The following TPR variants were observed in gnomAD, a reference collection of about 807,000 sequenced individuals.
The protein encoded by TPR is translocated promoter region, nuclear basket protein, also known as nucleoprotein TPR.
Under a neutral mutation model 316.1 loss-of-function variants are expected in TPR, and 51 were observed. The ratio of observed to expected loss-of-function variants is 0.16; its 90% CI spans 0.13 to 0.20. The LOEUF (loss-of-function observed/expected upper bound fraction) is 0.20, where lower values mean the gene tolerates loss of function less well. Ranked by LOEUF, TPR falls within the 10% of genes least tolerant of loss-of-function variation. The pLI is 1.00. For missense variants in TPR, 2,272 were observed against 2,754.8 expected, an observed-to-expected ratio of 0.82 and a Z score of 3.92; for synonymous variants, 981 against 914.7, an observed-to-expected ratio of 1.07 and a Z score of -1.31.
Position 186,317,511 on chromosome 1 carries a change from C to A in TPR, c.6911G>T (p.Ser2304Ile). 6.2e-7 allele frequency: 1 copy of A among 1,614,094 alleles called. No individual in the cohort carries two copies. Among genetic ancestry groups the A allele is most frequent in the African/African-American group, 1.3e-5 (1 of 75,018 alleles). The change falls in exon 49 of 51, where the codon AGC becomes ATC. Residue 2304 changes from serine (S) to isoleucine (I), a missense_variant. Physicochemically the swap from Ser to Ile is moderately radical, Grantham distance 142 (BLOSUM62 -2). Transcript: ENST00000367478. Reference protein sequence around the residue: ...ASDESDLPSTSQDPPSSSSVD... With the variant: ...ASDESDLPSTIQDPPSSSSVD... Reference sequence around the variant, plus strand: ...AGATGAGCTAGAAGGAGGATCCTGGCTGGTGGAGGGGAGATCTGACTCATC... The same window carrying A: ...AGATGAGCTAGAAGGAGGATCCTGGATGGTGGAGGGGAGATCTGACTCATC...
intron 41 of TPR, 43 bp from the exon 42 acceptor site, chr1:186,325,897 T>C (rs773905439): frequency 6.3e-7 from 1 of 1,595,478 alleles, no homozygotes; most frequent in Non-Finnish European, 8.5e-7. Context: ...ATAAAATAAA[T>C]ATGTTAAAAA....
intron 22 of TPR, among the ~76,000 whole-genome samples, chr1:186,346,493 C>G (rs1658680128): frequency 6.6e-6 from 1 of 152,184 alleles, no homozygotes; most frequent in Admixed American, 6.5e-5. Flanking sequence ...TTCATCTTGG[C>G]TACTGGCCAT....
intron 23 of TPR, 64 bp from the exon 24 acceptor site, chr1:186,345,760 T>G: frequency 8.7e-7 from 1 of 1,151,020 alleles, no homozygotes; most frequent in Non-Finnish European, 1.3e-6. Context: ...AATACTGTAT[T>G]GTAGTGTTAC....
chr1:186,362,586 T>G (rs1659228802), intron 6 of TPR, among the ~76,000 whole-genome samples: 1 of 152,044 alleles, frequency 6.6e-6, no homozygotes. Flanking sequence ...CCACCACTTC[T>G]TAAACAAACA....
Position 186,312,947 on chromosome 1 carries a change from T to G in TPR, c.*1024A>C. On this transcript the variant is annotated 3_prime_UTR_variant, in exon 51 of 51. Transcript: ENST00000367478. The stretch of plus-strand genomic sequence containing the variant: ...GGAGGTGATATCATTTGTGAAAACA[T>G]GAAGATAAAGTAAAAATGCTGGCTG... 6.4e-7 allele frequency: 1 copy of G among 1,562,110 alleles called. No homozygotes were observed. Among genetic ancestry groups the G allele is most frequent in the Non-Finnish European group, 8.8e-7 (1 of 1,133,506 alleles).
At chr1:186,339,542 T>A (rs1464715329) in intron 30 of TPR, 100 bp downstream of exon 30, 1 of 1,049,326 alleles carries the variant, frequency 9.5e-7, no homozygotes, top group African/African-American at 1.7e-5. Flanking sequence ...GCACTTTCCA[T>A]TCTTTCTAAA....
intron 31 of TPR, among the ~76,000 whole-genome samples, chr1:186,337,776 G>T (rs1209046993): frequency 6.6e-6 from 1 of 151,558 alleles, no homozygotes; most frequent in Non-Finnish European, 1.5e-5. Flanking sequence ...ATTCTAATTA[G>T]CAATGAGTTA....
intron 38 of TPR, 147 bp downstream of exon 38, chr1:186,332,048 G>T: frequency 1.3e-6 from 1 of 769,966 alleles, no homozygotes; most frequent in Non-Finnish European, 1.9e-6. Context: ...TGGGTTGTCA[G>T]TGGAATCTTT....
chr1:186,338,179 C>T lies in TPR; in HGVS notation c.4216G>A (p.Val1406Ile), dbSNP rs1658395880. 2 of 1,612,756 alleles carry T rather than the reference C, an allele frequency of 1.2e-6. No individual in the cohort carries two copies. Among genetic ancestry groups the T allele is most frequent in the South Asian group, 2.2e-5 (2 of 91,024 alleles). ...TGGATGGTTTCCTTTTCAGTTCTTACTTTATTTAGATCTTCCTTCAGACTC... is the reference window on the plus strand; with the variant it reads ...TGGATGGTTTCCTTTTCAGTTCTTATTTTATTTAGATCTTCCTTCAGACTC... ...IQSLKEDLNK[V>I]RTEKETIQKD... is the part of the protein sequence containing the mutation. Residue 1406 changes from valine to isoleucine, a missense_variant, in exon 31 of 51, where the codon GTA (valine) becomes ATA (isoleucine). By Grantham distance (29) the Val-to-Ile change is conservative (BLOSUM62 3). Around this residue, in one of 10 missense-constraint regions of TPR, gnomAD observed 96 missense variants for 134.6 expected, o/e 0.71. Transcript: ENST00000367478.
In TPR at chr1:186,313,034, G is replaced by A; in HGVS notation, c.*937C>T. On this transcript the variant is annotated 3_prime_UTR_variant, in exon 51 of 51. Coordinates refer to ENST00000367478, the MANE Select transcript of TPR (RefSeq NM_003292.3). ...CTTATTCTAATTGCTGTGGAAAAGA[G>A]TTAAGACTTTTGCTTTAATTTCAAT... is the stretch of plus-strand genomic sequence containing the variant. The A allele has an allele frequency of 6.5e-6, 6 of 917,110 alleles. No individual in the cohort carries two copies. The highest frequency in any genetic ancestry group is 1.0e-5 in the Non-Finnish European group (6 of 587,996). The allele number at this position is 917,110 out of a possible 1,614,324, so 56.8% of individuals were successfully genotyped here.
At chr1:186,320,744 CAT>C (rs1657752775) in intron 45 of TPR, among the ~76,000 whole-genome samples, 1 of 152,132 alleles carries the variant, frequency 6.6e-6, no homozygotes, top group South Asian at 2.1e-4. Context: ...CAACATAAAA[CAT>C]AACAAAAAGA....
intron 40 of TPR, among the ~76,000 whole-genome samples, chr1:186,327,039 A>G (rs1313151915): frequency 4.2e-5 from 2 of 47,662 alleles, no homozygotes; most frequent in Non-Finnish European, 7.7e-5. Context: ...ATATAAATAT[A>G]TATAAATATA....
At chr1:186,369,306 T>C (rs147792600) in intron 3 of TPR, among the ~76,000 whole-genome samples, 49 of 152,318 alleles carry the variant, frequency 3.2e-4, no homozygotes, top group Non-Finnish European at 5.7e-4. Context: ...CCTTTGGAAT[T>C]CTGACAGGAT....
chr1:186,346,547 C>T (rs146871696), intron 22 of TPR, among the ~76,000 whole-genome samples: 1 of 152,278 alleles, frequency 6.6e-6, no homozygotes, highest in African/African-American at 2.4e-5. Context: ...ATTTCTCCCT[C>T]AATCCTCATA....
intron 43 of TPR, 87 bp downstream of exon 43, chr1:186,323,598 AG>A: frequency 8.7e-7 from 1 of 1,152,516 alleles, no homozygotes; most frequent in South Asian, 2.5e-5. Flanking sequence ...AAAAAAACCA[AG>A]AGAGAGAGAG....
intron 44 of TPR, 37 bp downstream of exon 44, chr1:186,322,478 CAAG>C (rs756064640): frequency 6.2e-7 from 1 of 1,613,086 alleles, no homozygotes; most frequent in Non-Finnish European, 8.5e-7. Flanking sequence ...AATATCTGCT[CAAG>C]AAATGAATTA....
chr1:186,351,923 AT>A, intron 19 of TPR, 52 bp downstream of exon 19: 2 of 1,543,706 alleles, frequency 1.3e-6, no homozygotes, highest in Non-Finnish European at 1.7e-6. Flanking sequence ...GATAAAAAAA[AT>A]CTAAATTTAA....
chr1:186,331,471 T>G lies in TPR; in HGVS notation c.5688+27A>C, dbSNP rs542534391. 2.6e-6 allele frequency: 4 copies of G among 1,527,560 alleles called. No homozygotes were observed. The African/African-American group carries it at 5.5e-5, about 21-fold the overall frequency. 94.6% of individuals were successfully genotyped at this position (1,527,560 alleles called of 1,614,324 possible). A position where few individuals can be genotyped will look rare whatever the true frequency, so the allele number is the denominator to read the frequency against. ...ATTTCATTCACGAAAAGCAACGGTG[T>G]GGTACTTTAGGTATGTTTTTACTTA... On this transcript the variant is annotated intron_variant, in intron 39 of 50. Transcript: ENST00000367478.
chr1:186,368,893 G>C (rs1659423280), intron 3 of TPR, among the ~76,000 whole-genome samples: 3 of 152,082 alleles, frequency 2.0e-5, no homozygotes, highest in African/African-American at 7.2e-5. Context: ...CTTACATTTA[G>C]ATCTTTCATC....
Sources: gnomAD v4.1 joint callset for allele counts (sites outside exome capture counted in the v4.1 genomes callset) on GRCh38, gnomAD v4.1.1 for gene constraint, gnomAD v4.1.1 regional missense constraint, MANE v1.5 for transcripts, NCBI Gene and HGNC (gene_info 2026-07-23, HGNC 2026-07-21) for gene names.